Variants in ZNF765 observed in about 807,000 individuals in gnomAD.
ZNF765 encodes the protein zinc finger protein 765.
Under a neutral mutation model 44.7 loss-of-function variants are expected in ZNF765, and 37 were observed. The observed-to-expected ratio is 0.83, with a 90% CI of 0.64 to 1.09. The LOEUF (loss-of-function observed/expected upper bound fraction) is 1.09, where lower values mean the gene tolerates loss of function less well. Ranked by LOEUF, ZNF765 falls within the 50% of genes least tolerant of loss-of-function variation. The probability of loss-of-function intolerance (pLI) is 0.00; values close to 1 mark genes in which losing one functional copy is unlikely to be tolerated. For missense variants in ZNF765, 594 were observed against 626.1 expected, an observed-to-expected ratio of 0.95 and a Z score of 0.55; for synonymous variants, 201 against 213.7, an observed-to-expected ratio of 0.94 and a Z score of 0.52.
chr19:53,406,071 T>A (rs2085773159), intron 3 of ZNF765, among the ~76,000 whole-genome samples: 1 of 146,288 alleles, frequency 6.8e-6, no homozygotes, highest in Non-Finnish European at 1.5e-5. Flanking sequence ...ACTCTGTCAC[T>A]CAGCTGGAGT....
At chr19:53,422,239 T>C (rs775358720) in intron 3 of ZNF765, among the ~76,000 whole-genome samples, 3 of 152,218 alleles carry the variant, frequency 2.0e-5, no homozygotes, top group Non-Finnish European at 4.4e-5. Flanking sequence ...CCCCGCTAAC[T>C]GGCTTTGACA....
At chr19:53,401,100 A>G (rs1209831016) in intron 2 of ZNF765, among the ~76,000 whole-genome samples, 1 of 151,916 alleles carries the variant, frequency 6.6e-6, no homozygotes, top group Non-Finnish European at 1.5e-5. Context: ...TCCTGGGATC[A>G]AGCAATTCTC....
intron 2 of ZNF765, 174 bp from the exon 3 acceptor site, chr19:53,401,890 AG>A (rs2085729485): frequency 2.8e-5 from 40 of 1,433,684 alleles, no homozygotes; most frequent in Middle Eastern, 1.8e-4. Flanking sequence ...AAAAAAAAAA[AG>A]AACTTTAGTA....
downstream of ZNF765, among the ~76,000 whole-genome samples, chr19:53,414,430 C>CAA (rs1215542135): frequency 3.6e-5 from 2 of 55,062 alleles, no homozygotes; most frequent in Non-Finnish European, 4.7e-5. Context: ...GACTGACCCT[C>CAA]CCCACCACAC....
intron 3 of ZNF765, among the ~76,000 whole-genome samples, chr19:53,405,644 A>G (rs906212172): frequency 1.3e-5 from 2 of 149,834 alleles, no homozygotes; most frequent in Non-Finnish European, 3.0e-5. Flanking sequence ...CACAAGTCCT[A>G]TTCACGAGTA....
At chr19:53,415,251 CAA>C (rs2085867959), downstream of ZNF765, among the ~76,000 whole-genome samples, 1 of 143,910 alleles carries the variant, frequency 6.9e-6, no homozygotes. Context: ...GCCTGGGCAA[CAA>C]GAGTGAAACT....
chr19:53,405,902 ACTATAT>A (rs2085768292), intron 3 of ZNF765, among the ~76,000 whole-genome samples: 1 of 37,034 alleles, frequency 2.7e-5, no homozygotes, highest in African/African-American at 9.1e-5. Flanking sequence ...ATTAATACCA[ACTATAT>A]ATATATATAT....
intron 1 of ZNF765, 74 bp from the exon 2 acceptor site, chr19:53,397,869 T>C: frequency 2.2e-6 from 3 of 1,361,388 alleles, no homozygotes; most frequent in South Asian, 2.7e-5. Flanking sequence ...GAGGTCTCCT[T>C]TGTATGTGTT....
chr19:53,400,115 A>G (rs2085708716), intron 2 of ZNF765, among the ~76,000 whole-genome samples: 1 of 152,090 alleles, frequency 6.6e-6, no homozygotes. Context: ...TCTGGCCCCC[A>G]GTAGTTATTT....
At chr19:53,420,444 T>G (rs913695257) in intron 3 of ZNF765, among the ~76,000 whole-genome samples, 4 of 152,248 alleles carry the variant, frequency 2.6e-5, no homozygotes, top group African/African-American at 9.6e-5. Context: ...ATGTTCTATA[T>G]TAACACCTTT....
In ZNF765 at chr19:53,403,029, G is replaced by T. The variant is rs145541559; in HGVS notation, c.142+838G>T. ...CTCTCTACTAAAAATACAAAAATTA[G>T]CCAGGTGTGGTGGCACGTGCCTGTA... On this transcript the variant is annotated intron_variant, in intron 3 of 3. Coordinates refer to ENST00000396408, the MANE Select transcript of ZNF765 (RefSeq NM_001040185.3). 9.8e-3 allele frequency among the ~76,000 whole-genome samples: 1,493 copies of T among 152,132 alleles called. 5 individuals carry two copies. The highest frequency in any genetic ancestry group is 0.016 in the Non-Finnish European group (1,084 of 68,004).
Position 53,408,462 on chromosome 19 carries a change from G to C in ZNF765, c.907G>C (p.Glu303Gln). 2.5e-6 allele frequency: 4 copies of C among 1,613,786 alleles called. No individual in the cohort carries two copies. The highest frequency in any genetic ancestry group is 3.4e-6 in the Non-Finnish European group (4 of 1,179,784). Residue 303 changes from glutamate (E) to glutamine (Q), a missense_variant, in exon 4 of 4, where the codon GAA becomes CAA. Physicochemically the swap from Glu to Gln is conservative, Grantham distance 29. Around this residue, in one of 2 missense-constraint regions of ZNF765, gnomAD observed 567 missense variants for 572.6 expected, o/e 0.99. Coordinates refer to ENST00000396408, the MANE Select transcript of ZNF765 (RefSeq NM_001040185.3). ...TGGAGAGAAACCTTACAAATGTGAAGAATGTGACAAAGCTTTCCATTTCAA... is the reference window on the plus strand; with the variant it reads ...TGGAGAGAAACCTTACAAATGTGAACAATGTGACAAAGCTTTCCATTTCAA... ...HTGEKPYKCE[E>Q]CDKAFHFKSK...
intron 3 of ZNF765, among the ~76,000 whole-genome samples, chr19:53,407,319 C>G (rs1161422591): frequency 6.6e-6 from 1 of 152,146 alleles, no homozygotes; most frequent in Non-Finnish European, 1.5e-5. Context: ...GGTCCTTTAG[C>G]ATCTATTTGT....
Position 53,411,099 on chromosome 19 carries a change from G to A in ZNF765, c.*1972G>A, listed in dbSNP as rs533537435. On this transcript the variant is annotated 3_prime_UTR_variant, in exon 4 of 4. Coordinates refer to ENST00000396408, the MANE Select transcript of ZNF765 (RefSeq NM_001040185.3). ...GAGTTTGACTTAACATTGAGTTGAA[G>A]CCTTAATTGACATTAAAGTGTTTAT... 7.2e-4 allele frequency: 182 copies of A among 254,514 alleles called. No homozygotes were observed. The highest frequency in any genetic ancestry group is 1.1e-3 in the Non-Finnish European group (140 of 125,832). The allele number at this position is 254,514 out of a possible 1,614,324, so 15.8% of individuals were successfully genotyped here.
chr19:53,401,968 A>G (rs760792261), intron 2 of ZNF765, 97 bp from the exon 3 acceptor site: 79 of 1,612,480 alleles, frequency 4.9e-5, no homozygotes, highest in Non-Finnish European at 5.9e-5. Context: ...CATTCACTGC[A>G]TTTAAATCCA....
Position 53,408,104 on chromosome 19 carries a change from G to T in ZNF765, c.549G>T (p.Arg183Ser). The T allele has an allele frequency of 1.2e-6, 2 of 1,614,042 alleles. No homozygotes were observed. Among genetic ancestry groups the T allele is most frequent in the Non-Finnish European group, 1.7e-6 (2 of 1,179,954 alleles). Residue 183 changes from arginine to serine, a missense_variant, in exon 4 of 4, where the codon AGG (arginine) becomes AGT (serine). This residue lies in a region of ZNF765 where 567 missense variants were observed against 572.6 expected (regional missense o/e 0.99). Coordinates refer to ENST00000396408, the MANE Select transcript of ZNF765 (RefSeq NM_001040185.3). ...LVSTAQRISC[R>S]PETHISNDYG... ...CAACAGCCCAAAGAATTTCTTGTAG[G>T]CCTGAAACCCATATTTCTAATGACT... is the stretch of plus-strand genomic sequence containing the variant.
In ZNF765 at chr19:53,401,887, AAAAG is replaced by A. The variant is rs775655353; in HGVS notation, c.16-175_16-172del. 5 of 1,542,428 alleles carry A rather than the reference AAAAG, an allele frequency of 3.2e-6. No individual in the cohort carries two copies. In the South Asian group the frequency reaches 4.6e-5, roughly 14 times the overall value. On this transcript the variant is annotated intron_variant, in intron 2 of 3. Transcript: ENST00000396408. ...TGAGACTCCACCTTTAAAAAAAAAAAAAAGAACTTTAGTAAACACAACTGGGAAG... is the reference window on the plus strand; with the variant it reads ...TGAGACTCCACCTTTAAAAAAAAAAAAACTTTAGTAAACACAACTGGGAAG...
chr19:53,398,047 G>A lies in ZNF765; in HGVS notation c.15+17G>A, dbSNP rs2085687817. 2 of 1,613,032 alleles carry A rather than the reference G, an allele frequency of 1.2e-6. No individual in the cohort carries two copies. The highest frequency in any genetic ancestry group is 1.7e-6 in the Non-Finnish European group (2 of 1,179,968). The stretch of plus-strand genomic sequence containing the variant: ...CTTCCTCAGGTGAGATGATATTCTT[G>A]GTGGATTGTTCTGTCTCCTTCTTTT... On this transcript the variant is annotated intron_variant, in intron 2 of 3. Transcript: ENST00000396408.
intron 3 of ZNF765, 128 bp downstream of exon 3, chr19:53,402,319 T>G: frequency 6.8e-7 from 1 of 1,465,384 alleles, no homozygotes; most frequent in South Asian, 1.4e-5. Flanking sequence ...TGCTGTGGCA[T>G]GATCTCGGCT....
Sources: gnomAD v4.1 joint callset for allele counts (sites outside exome capture counted in the v4.1 genomes callset) on GRCh38, gnomAD v4.1.1 for gene constraint, gnomAD v4.1.1 regional missense constraint, MANE v1.5 for transcripts, NCBI Gene and HGNC (gene_info 2026-07-23, HGNC 2026-07-21) for gene names.